CSDE1: variants seen among roughly 807,000 people sequenced by gnomAD.
The protein encoded by CSDE1 is cold shock domain-containing protein E1.
CSDE1 carries 17 observed loss-of-function variants against 89.3 expected under a neutral mutation model. The ratio of observed to expected loss-of-function variants is 0.19; its 90% CI spans 0.13 to 0.29. The LOEUF is 0.29. Among genes scored for constraint, CSDE1 ranks in the 10% least tolerant of loss-of-function variants. The probability of loss-of-function intolerance (pLI) is 1.00; values close to 1 mark genes in which losing one functional copy is unlikely to be tolerated. For missense variants in CSDE1, 672 were observed against 984.2 expected, an observed-to-expected ratio of 0.68 and a Z score of 4.24; for synonymous variants, 322 against 332.8, an observed-to-expected ratio of 0.97 and a Z score of 0.35.
At chr1:114,733,642 A>T in intron 9 of CSDE1, 90 bp downstream of exon 9, 1 of 1,196,996 alleles carries the variant, frequency 8.4e-7, no homozygotes, top group Non-Finnish European at 1.2e-6. Context: ...ACATTATATT[A>T]ACTGAATAAG....
At chr1:114,723,685 C>T (rs2007231) in intron 16 of CSDE1, among the ~76,000 whole-genome samples, 198 bp downstream of exon 16, 116,314 of 152,180 alleles carry the variant, frequency 0.76, 46,028 homozygotes, top group East Asian at 1. Context: ...AAAGCAGTCA[C>T]GTTTTCACTA....
rs1345650355 is a variant in CSDE1, at chr1:114,725,161, A to G, written c.1753+60T>C. 6 of 1,292,850 alleles carry G rather than the reference A, an allele frequency of 4.6e-6. No individual in the cohort carries two copies. The East Asian group carries it at 1.4e-4, about 30-fold the overall frequency. 80.1% of individuals were successfully genotyped at this position (1,292,850 alleles called of 1,614,324 possible). A position where few individuals can be genotyped will look rare whatever the true frequency, so the allele number is the denominator to read the frequency against. ...TAATTAGGCCTCATCTCCCTCTACT[A>G]CTCCATCCTTTATCTCCCACTTAAA... On this transcript the variant is annotated intron_variant, in intron 15 of 19. Transcript: ENST00000358528.
intron 9 of CSDE1, among the ~76,000 whole-genome samples, chr1:114,733,459 G>A (rs1336141368): frequency 6.6e-6 from 1 of 150,772 alleles, no homozygotes; most frequent in Non-Finnish European, 1.5e-5. Flanking sequence ...CCGGGAGGCG[G>A]AGGTTGCAGT....
intron 1 of CSDE1, among the ~76,000 whole-genome samples, chr1:114,754,221 G>T (rs1661467730): frequency 6.6e-6 from 1 of 152,134 alleles, no homozygotes; most frequent in African/African-American, 2.4e-5. Flanking sequence ...TCGAACTCCT[G>T]ACCTCAAGTG....
At chr1:114,729,514 C>CAAAAAAAAAAAA (rs66566286) in intron 12 of CSDE1, among the ~76,000 whole-genome samples, 6 of 127,230 alleles carry the variant, frequency 4.7e-5, no homozygotes, top group Admixed American at 7.9e-5. Context: ...CACACAAAAC[C>CAAAAAAAAAAAA]AAAAAAAAAA....
At chr1:114,744,815 A>T (rs928474141) in intron 2 of CSDE1, among the ~76,000 whole-genome samples, 1 of 152,182 alleles carries the variant, frequency 6.6e-6, no homozygotes, top group Non-Finnish European at 1.5e-5. Flanking sequence ...GTACAATTAA[A>T]TTACCAGAAT....
At chr1:114,757,571 G>C (rs1408442704) in intron 1 of CSDE1, among the ~76,000 whole-genome samples, 1 of 152,042 alleles carries the variant, frequency 6.6e-6, no homozygotes, top group African/African-American at 2.4e-5. Context: ...CCAGACTACA[G>C]ATCCCAGCAG....
intron 3 of CSDE1, 33 bp from the exon 4 acceptor site, chr1:114,738,105 C>T (rs1012333953): frequency 6.5e-7 from 1 of 1,539,186 alleles, no homozygotes; most frequent in Non-Finnish European, 9.0e-7. Flanking sequence ...GTTTGTTGAA[C>T]TGATTTTTGC....
intron 14 of CSDE1, among the ~76,000 whole-genome samples, chr1:114,725,787 C>T (rs753617241): frequency 4.6e-5 from 7 of 152,148 alleles, no homozygotes; most frequent in Non-Finnish European, 1.0e-4. Flanking sequence ...AGGTATGCAC[C>T]ACCATGTCAG....
In CSDE1 at chr1:114,716,942, T is replaced by C. The variant is rs1208974725; in HGVS notation, c.*1227A>G. On this transcript the variant is annotated 3_prime_UTR_variant, in exon 20 of 20. Transcript: ENST00000358528. ...AGTGTCTCAAAAATCAGTAAAACTT[T>C]ATTCGCTTCCATTCTTTCGCCATTA... is the stretch of plus-strand genomic sequence containing the variant. 1 of 152,708 alleles carries C rather than the reference T, an allele frequency of 6.5e-6. No individual in the cohort carries two copies. Among genetic ancestry groups the C allele is most frequent in the Non-Finnish European group, 1.5e-5 (1 of 68,084 alleles). The allele number at this position is 152,708 out of a possible 1,614,324, so 9.5% of individuals were successfully genotyped here. A position where few individuals can be genotyped will look rare whatever the true frequency, so the allele number is the denominator to read the frequency against.
chr1:114,747,277 CT>C (rs1399033899), intron 2 of CSDE1, among the ~76,000 whole-genome samples: 1 of 152,120 alleles, frequency 6.6e-6, no homozygotes, highest in African/African-American at 2.4e-5. Context: ...CCTTTAAAAT[CT>C]GGGGGTTCCA....
chr1:114,718,504 T>C, intron 19 of CSDE1, 109 bp downstream of exon 19: 2 of 1,416,950 alleles, frequency 1.4e-6, no homozygotes, highest in Non-Finnish European at 1.9e-6. Flanking sequence ...ATAAGCAATA[T>C]GGAAGTCTCC....
intron 16 of CSDE1, among the ~76,000 whole-genome samples, chr1:114,722,417 A>C (rs1230611252): frequency 6.6e-6 from 1 of 152,230 alleles, no homozygotes; most frequent in Non-Finnish European, 1.5e-5. Flanking sequence ...TTATTTGTCC[A>C]AGATTATATG....
chr1:114,734,722 T>A (rs1660297641), intron 6 of CSDE1, among the ~76,000 whole-genome samples, 199 bp from the exon 7 acceptor site: 1 of 152,234 alleles, frequency 6.6e-6, no homozygotes, highest in African/African-American at 2.4e-5. Context: ...CTTAGCCTTC[T>A]ACGTTTGGCA....
At chr1:114,741,496 G>GT (rs1244837457) in intron 2 of CSDE1, 3 of 1,535,980 alleles carry the variant, frequency 2.0e-6, no homozygotes, top group Non-Finnish European at 2.6e-6. Flanking sequence ...ACAAAGCAAG[G>GT]TAAGCTGAGA....
chr1:114,753,868 A>C (rs781184867), intron 1 of CSDE1, among the ~76,000 whole-genome samples: 99 of 152,140 alleles, frequency 6.5e-4, no homozygotes, highest in Non-Finnish European at 1.2e-3. Context: ...GTGAGCTATG[A>C]CTGTGCCACT....
At position 114,750,028 on chromosome 1, in the gene CSDE1, G is replaced by A. The variant is rs1478792802; in HGVS notation, c.-208C>T. The stretch of plus-strand genomic sequence containing the variant: ...AAACAAAGACTACTAGCAGCGTTGG[G>A]AAGTGCTCTTTCAAAGCTGTTGAGT... On this transcript the variant is annotated 5_prime_UTR_variant, in exon 2 of 20. Transcript: ENST00000358528. The A allele has an allele frequency of 1.3e-5, 2 of 152,648 alleles. No individual in the cohort carries two copies. The highest frequency in any genetic ancestry group is 2.9e-5 in the Non-Finnish European group (2 of 68,046). 9.5% of individuals were successfully genotyped at this position (152,648 alleles called of 1,614,324 possible).
intron 1 of CSDE1, among the ~76,000 whole-genome samples, chr1:114,752,414 C>T (rs1661355002): frequency 6.6e-6 from 1 of 152,034 alleles, no homozygotes. Context: ...AGCCTGAGTC[C>T]CGTACAAAGA....
intron 14 of CSDE1, 105 bp downstream of exon 14, chr1:114,726,106 T>C: frequency 8.8e-7 from 1 of 1,140,886 alleles, no homozygotes; most frequent in Non-Finnish European, 1.2e-6. Flanking sequence ...CAATATGAAA[T>C]CTGAACCTCA....
Sources: gnomAD v4.1 joint callset for allele counts (sites outside exome capture counted in the v4.1 genomes callset) on GRCh38, gnomAD v4.1.1 for gene constraint, MANE v1.5 for transcripts, NCBI Gene and HGNC (gene_info 2026-07-23, HGNC 2026-07-21) for gene names.